CCNB3: variants seen among roughly 807,000 people sequenced by gnomAD.
CCNB3 encodes cyclin B3.
Under a neutral mutation model 68.0 loss-of-function variants are expected in CCNB3, and 12 were observed. The observed-to-expected ratio is 0.18, with a 90% confidence interval of 0.11 to 0.29. CCNB3 has a LOEUF of 0.29. Ranked by LOEUF, CCNB3 falls within the 10% of genes least tolerant of loss-of-function variation. The pLI is 1.00. For synonymous variants in CCNB3, 354 were observed against 388.9 expected, an observed-to-expected ratio of 0.91 and a Z score of 1.06; for missense variants, 904 against 993.1, an observed-to-expected ratio of 0.91 and a Z score of 1.21.
intron 5 of CCNB3, among the ~76,000 whole-genome samples, chrX:50,300,600 C>T (rs1355450824): frequency 1.8e-5 from 2 of 111,224 alleles, no homozygotes; most frequent in African/African-American, 3.3e-5. Flanking sequence ...GTGAATCTTA[C>T]AATAATGTGT....
intron 5 of CCNB3, among the ~76,000 whole-genome samples, chrX:50,299,011 ATTC>A (rs1174057130): frequency 1.8e-5 from 2 of 110,148 alleles, no homozygotes; most frequent in Non-Finnish European, 3.8e-5. Context: ...CGTCTATTTG[ATTC>A]TTCTCTGTTT....
chrX:50,316,854 A>G lies in CCNB3; in HGVS notation c.3516+2906A>G, dbSNP rs184120837. On this transcript the variant is annotated intron_variant, in intron 8 of 12. Coordinates refer to ENST00000376042, the MANE Select transcript of CCNB3 (RefSeq NM_033031.3). ...CACAGTTTATCCATTCTCCTGTGGA[A>G]GGGTATTTAGTTTGTTTCCAGTTTT... Among the ~76,000 whole-genome samples the G allele has an allele frequency of 6.4e-4, 72 of 112,359 alleles. 1 individual carries two copies. In the East Asian group the frequency reaches 0.011, roughly 18 times the overall value.
chrX:50,331,339 A>G (rs1282740692), intron 8 of CCNB3, among the ~76,000 whole-genome samples: 1 of 111,685 alleles, frequency 9.0e-6, no homozygotes, highest in Non-Finnish European at 1.9e-5. Context: ...ACGGTTTGCA[A>G]CTTTGGGAAT....
chrX:50,322,987 C>T (rs1922106676), intron 8 of CCNB3, among the ~76,000 whole-genome samples: 1 of 111,824 alleles, frequency 8.9e-6, no homozygotes, highest in Non-Finnish European at 1.9e-5. Context: ...TAAACTGGTT[C>T]AACCATTGTG....
chrX:50,349,496 T>A (rs1265489115), intron 11 of CCNB3, among the ~76,000 whole-genome samples: 12 of 111,973 alleles, frequency 1.1e-4, no homozygotes, highest in African/African-American at 3.2e-4. Context: ...GTAGAGTAAA[T>A]GAGAGAGAAT....
intron 1 of CCNB3, among the ~76,000 whole-genome samples, chrX:50,279,266 G>C (rs1273392261): frequency 1.5e-5 from 1 of 66,948 alleles, no homozygotes; most frequent in Non-Finnish European, 2.5e-5. Flanking sequence ...TAAATATATA[G>C]AGAATATATA....
At chrX:50,226,998 A>C (rs1193330818) in intron 1 of CCNB3, among the ~76,000 whole-genome samples, 1 of 74,180 alleles carries the variant, frequency 1.3e-5, no homozygotes, top group African/African-American at 5.7e-5. Context: ...AGAATATATA[A>C]ATATATAGAA....
intron 5 of CCNB3, among the ~76,000 whole-genome samples, chrX:50,298,030 G>C: frequency 9.0e-6 from 1 of 111,459 alleles, no homozygotes; most frequent in East Asian, 2.8e-4. Flanking sequence ...GGAGATTTTG[G>C]GCTGAGACAA....
intron 1 of CCNB3, among the ~76,000 whole-genome samples, chrX:50,280,165 T>C (rs1324906616): frequency 2.2e-5 from 2 of 91,970 alleles, no homozygotes; most frequent in Non-Finnish European, 4.1e-5. Flanking sequence ...TATATAAATA[T>C]ATATAGAATA....
intron 1 of CCNB3, among the ~76,000 whole-genome samples, chrX:50,226,948 TA>T (rs1935853318): frequency 4.0e-5 from 3 of 74,958 alleles, no homozygotes; most frequent in African/African-American, 1.7e-4. Flanking sequence ...ATATATAGAA[TA>T]TATATAGTAT....
intron 5 of CCNB3, among the ~76,000 whole-genome samples, chrX:50,304,836 T>C (rs1443911188): frequency 9.0e-6 from 1 of 111,695 alleles, no homozygotes; most frequent in Non-Finnish European, 1.9e-5. Flanking sequence ...CATCAACAAG[T>C]AGGCGAAGGA....
At position 50,209,094 on chromosome X, in the gene CCNB3, C is replaced by A. The variant is rs782541108; in HGVS notation, c.-113+4144C>A. ...TGTAGTGGAATCCCTTGTTTTATTT[C>A]TTTTAAAAAACCTTTCATTGAGGTA... On this transcript the variant is annotated intron_variant, in intron 1 of 12. Transcript: ENST00000376042. Among the ~76,000 whole-genome samples the A allele has an allele frequency of 2.7e-5, 3 of 109,244 alleles. No individual in the cohort carries two copies. The East Asian group carries it at 9.1e-4, about 33-fold the overall frequency. 94.9% of individuals were successfully genotyped at this position (109,244 alleles called of 115,157 possible).
chrX:50,224,316 T>C (rs1193809203), intron 1 of CCNB3, among the ~76,000 whole-genome samples: 1 of 110,890 alleles, frequency 9.0e-6, no homozygotes, highest in Non-Finnish European at 1.9e-5. Context: ...TACAGAGGTA[T>C]AGGGAGGAGA....
intron 8 of CCNB3, among the ~76,000 whole-genome samples, chrX:50,334,677 C>T (rs1922762877): frequency 8.9e-6 from 1 of 112,333 alleles, no homozygotes; most frequent in Non-Finnish European, 1.9e-5. Context: ...AGGGCTTTGT[C>T]AAATCTGGTA....
At chrX:50,228,138 A>AAT (rs1287274622) in intron 1 of CCNB3, among the ~76,000 whole-genome samples, 2 of 91,511 alleles carry the variant, frequency 2.2e-5, no homozygotes, top group East Asian at 3.1e-4. Context: ...ATATATACAT[A>AAT]ATATATATAT....
chrX:50,304,600 C>T (rs1192462471), intron 5 of CCNB3, among the ~76,000 whole-genome samples: 4 of 111,918 alleles, frequency 3.6e-5, no homozygotes, highest in Non-Finnish European at 5.6e-5. Flanking sequence ...TGGGCAAGGA[C>T]TTCATGTCTA....
intron 5 of CCNB3, among the ~76,000 whole-genome samples, chrX:50,299,346 T>C (rs1351179749): frequency 8.9e-6 from 1 of 111,804 alleles, no homozygotes; most frequent in Non-Finnish European, 1.9e-5. Flanking sequence ...TTGTTCTCGT[T>C]GGTTTCAAAG....
intron 5 of CCNB3, among the ~76,000 whole-genome samples, chrX:50,307,676 C>T (rs1005603353): frequency 1.4e-4 from 15 of 110,737 alleles, no homozygotes; most frequent in African/African-American, 4.9e-4. Context: ...CCTTCCTAAT[C>T]CCCCTTTCTA....
At chrX:50,279,863 T>C (rs1274729476) in intron 1 of CCNB3, among the ~76,000 whole-genome samples, 11 of 87,459 alleles carry the variant, frequency 1.3e-4, no homozygotes, top group Non-Finnish European at 2.3e-4. Flanking sequence ...ATATATATAC[T>C]ATATATAAAA....
Sources: allele counts gnomAD v4.1 joint callset (sites outside exome capture counted in the v4.1 genomes callset), GRCh38; gene constraint gnomAD v4.1.1; transcripts MANE v1.5; gene names NCBI Gene and HGNC (gene_info 2026-07-23, HGNC 2026-07-21).